TATDN2: variants seen among roughly 807,000 people sequenced by gnomAD.
TATDN2 encodes TatD DNase domain containing 2.
In TATDN2, 44 loss-of-function variants were observed where a neutral mutation model predicts 60.3. That is an observed-to-expected ratio of 0.73 (90% CI 0.57 to 0.94). The LOEUF is 0.94. Ranked by LOEUF, TATDN2 falls within the 40% of genes least tolerant of loss-of-function variation. The probability of loss-of-function intolerance (pLI) is 0.00; values close to 1 mark genes in which losing one functional copy is unlikely to be tolerated. For synonymous variants in TATDN2, 399 were observed against 355.8 expected, an observed-to-expected ratio of 1.12 and a Z score of -1.37; for missense variants, 997 against 948.0, an observed-to-expected ratio of 1.05 and a Z score of -0.68.
intron 2 of TATDN2, among the ~76,000 whole-genome samples, chr3:10,258,886 T>C (rs1304656911): frequency 6.6e-6 from 1 of 152,126 alleles, no homozygotes; most frequent in Admixed American, 6.5e-5. Flanking sequence ...CTTTTTTTTT[T>C]TGAGATAGGG....
intron 2 of TATDN2, among the ~76,000 whole-genome samples, chr3:10,254,214 G>A (rs1299175653): frequency 2.6e-5 from 4 of 152,296 alleles, no homozygotes; most frequent in East Asian, 3.9e-4. Context: ...CACTCACCAC[G>A]GGGCAGTGAG....
chr3:10,250,890 AT>A (rs1286109843), intron 2 of TATDN2, among the ~76,000 whole-genome samples: 1 of 152,178 alleles, frequency 6.6e-6, no homozygotes, highest in African/African-American at 2.4e-5. Flanking sequence ...ATACCAGTTG[AT>A]TCAATTTAGC....
chr3:10,275,573 C>T (rs1280354280), intron 4 of TATDN2, among the ~76,000 whole-genome samples: 1 of 151,908 alleles, frequency 6.6e-6, no homozygotes, highest in Non-Finnish European at 1.5e-5. Context: ...GGCGAAACCC[C>T]ATCTCTACAA....
In TATDN2 at chr3:10,278,607, C is replaced by G; in HGVS notation, c.2145+145C>G. The G allele has an allele frequency of 8.5e-7, 1 of 1,177,300 alleles. No homozygotes were observed. The highest frequency in any genetic ancestry group is 1.8e-5 in the Admixed American group (1 of 55,096). The allele number at this position is 1,177,300 out of a possible 1,614,324, so 72.9% of individuals were successfully genotyped here. ...GTGTAGATGCCTCCTTGCTGTTACTCTGCAGAACCAAAAGTCTAGGGGGCT... is the reference window on the plus strand; with the variant it reads ...GTGTAGATGCCTCCTTGCTGTTACTGTGCAGAACCAAAAGTCTAGGGGGCT... On this transcript the variant is annotated intron_variant, in intron 6 of 7. Transcript: ENST00000448281. The surrounding 1 kb of genome is among the most constrained non-coding windows in gnomAD (Gnocchi z 4.7).
chr3:10,258,202 A>T (rs1158057780), intron 2 of TATDN2, among the ~76,000 whole-genome samples: 2 of 150,834 alleles, frequency 1.3e-5, no homozygotes, highest in East Asian at 1.9e-4. Context: ...GATAATGATT[A>T]AAAAAAAATA....
rs1698733235 is a variant in TATDN2, at chr3:10,281,081, T to C, written c.*1899T>C. The C allele has an allele frequency of 6.6e-6, 1 of 152,248 alleles. No homozygotes were observed. Among genetic ancestry groups the C allele is most frequent in the Non-Finnish European group, 1.5e-5 (1 of 68,050 alleles). 9.4% of individuals were successfully genotyped at this position (152,248 alleles called of 1,614,324 possible). A position where few individuals can be genotyped will look rare whatever the true frequency, so the allele number is the denominator to read the frequency against. On this transcript the variant is annotated 3_prime_UTR_variant, in exon 8 of 8. Transcript: ENST00000448281. The stretch of plus-strand genomic sequence containing the variant: ...CAGTGAAACCTCACCTGTGTGGGCG[T>C]GAAAGCTGATTGGCATTGTTTTTGA...
At chr3:10,258,248 A>C (rs1340302828) in intron 2 of TATDN2, among the ~76,000 whole-genome samples, 1 of 151,680 alleles carries the variant, frequency 6.6e-6, no homozygotes, top group African/African-American at 2.4e-5. Flanking sequence ...CAAATGATAC[A>C]AGAAGCTTAT....
chr3:10,277,875 C>G (rs1460142139), intron 5 of TATDN2, among the ~76,000 whole-genome samples: 1 of 152,140 alleles, frequency 6.6e-6, no homozygotes, highest in African/African-American at 2.4e-5. Flanking sequence ...GTTCGACTCC[C>G]CAGTATTTTG....
intron 4 of TATDN2, among the ~76,000 whole-genome samples, chr3:10,274,835 A>T (rs1698611796): frequency 2.0e-5 from 3 of 152,204 alleles, no homozygotes; most frequent in Admixed American, 2.0e-4. Context: ...CAGGTGTTAG[A>T]CTTGTAAATA....
rs184311292 is a variant in TATDN2, at chr3:10,275,878, C to T, written c.1834-483C>T. On this transcript the variant is annotated intron_variant, in intron 4 of 7. Transcript: ENST00000448281. Reference sequence around the variant, plus strand: ...CCTTGCTGGAGATGCACACAAACACCACGCCCTGCCGTCCCCAACAGCTCT... The same window carrying T: ...CCTTGCTGGAGATGCACACAAACACTACGCCCTGCCGTCCCCAACAGCTCT... Among the ~76,000 whole-genome samples, 2 of 152,304 alleles carry T rather than the reference C, an allele frequency of 1.3e-5. 1 individual carries two copies. Among genetic ancestry groups the T allele is most frequent in the East Asian group, 3.9e-4 (2 of 5,190 alleles).
intron 2 of TATDN2, among the ~76,000 whole-genome samples, chr3:10,257,876 T>TG (rs1378018497): frequency 1.3e-5 from 1 of 74,968 alleles, no homozygotes; most frequent in Non-Finnish European, 2.1e-5. Context: ...TTTTTTTTTT[T>TG]GGGAGATGGA....
At chr3:10,275,748 A>AAAAAC (rs199617801) in intron 4 of TATDN2, among the ~76,000 whole-genome samples, 1 of 128,114 alleles carries the variant, frequency 7.8e-6, no homozygotes, top group Non-Finnish European at 1.8e-5. Flanking sequence ...TCGGTCTCAA[A>AAAAAC]AAAACAAAAC....
intron 4 of TATDN2, among the ~76,000 whole-genome samples, chr3:10,272,939 T>C (rs1308946016): frequency 1.3e-5 from 2 of 148,674 alleles, no homozygotes; most frequent in African/African-American, 5.0e-5. Context: ...CTCAGGAGGC[T>C]GAGGCAGGAG....
chr3:10,256,470 C>T (rs1175920074), intron 2 of TATDN2, among the ~76,000 whole-genome samples: 1 of 150,946 alleles, frequency 6.6e-6, no homozygotes, highest in Non-Finnish European at 1.5e-5. Flanking sequence ...GCCACCACAC[C>T]CAGCCTTGTT....
intron 2 of TATDN2, among the ~76,000 whole-genome samples, chr3:10,255,994 G>T (rs1698302698): frequency 6.6e-6 from 1 of 152,076 alleles, no homozygotes. Flanking sequence ...CTGAAGAATT[G>T]AATGACATCA....
chr3:10,258,597 T>C (rs1698350666), intron 2 of TATDN2, among the ~76,000 whole-genome samples: 1 of 151,602 alleles, frequency 6.6e-6, no homozygotes, highest in Admixed American at 6.6e-5. Flanking sequence ...GCCTCCTGAG[T>C]AAGTGGGATT....
intron 2 of TATDN2, among the ~76,000 whole-genome samples, chr3:10,253,381 A>G (rs1698259260): frequency 6.6e-6 from 1 of 152,210 alleles, no homozygotes; most frequent in Admixed American, 6.5e-5. Flanking sequence ...TCTCTGTGCC[A>G]GGTCACAGAA....
intron 3 of TATDN2, among the ~76,000 whole-genome samples, chr3:10,269,830 G>T (rs1698530415): frequency 6.6e-6 from 1 of 152,206 alleles, no homozygotes; most frequent in African/African-American, 2.4e-5. Context: ...CTAGAGAGCA[G>T]TTTTTCTCAA....
chr3:10,267,332 G>A (rs1020106649), intron 3 of TATDN2, among the ~76,000 whole-genome samples: 1 of 151,508 alleles, frequency 6.6e-6, no homozygotes, highest in Non-Finnish European at 1.5e-5. Context: ...ACCTTTCAAG[G>A]ATTTAGATGA....
Sources: allele counts gnomAD v4.1 joint callset (sites outside exome capture counted in the v4.1 genomes callset), GRCh38; gene constraint gnomAD v4.1.1; non-coding constraint Gnocchi (gnomAD v3.1); transcripts MANE v1.5; gene names NCBI Gene and HGNC (gene_info 2026-07-23, HGNC 2026-07-21).